Variants in GALNT14 observed in about 807,000 individuals in gnomAD.
GALNT14 encodes polypeptide N-acetylgalactosaminyltransferase 14.
Under a neutral mutation model 77.5 loss-of-function variants are expected in GALNT14, and 60 were observed. The observed-to-expected ratio is 0.77, with a 90% confidence interval of 0.63 to 0.96. The LOEUF is 0.96. Among genes scored for constraint, GALNT14 ranks in the 40% least tolerant of loss-of-function variants. The probability of loss-of-function intolerance (pLI) is 0.00; values close to 1 mark genes in which losing one functional copy is unlikely to be tolerated. For missense variants in GALNT14, 710 were observed against 731.0 expected, an observed-to-expected ratio of 0.97 and a Z score of 0.33; for synonymous variants, 280 against 281.7, an observed-to-expected ratio of 0.99 and a Z score of 0.06.
At chr2:30,902,757 G>A in the GALNT14 span, among the ~76,000 whole-genome samples, 1 of 152,270 alleles carries the variant, frequency 6.6e-6, no homozygotes, top group Middle Eastern at 3.4e-3. Flanking sequence ...CAGCAGTGGG[G>A]ATAAAGAAGA....
chr2:31,046,219 C>A (rs530268773), intron 1 of GALNT14, among the ~76,000 whole-genome samples: 4 of 146,552 alleles, frequency 2.7e-5, no homozygotes, highest in African/African-American at 1.0e-4. Flanking sequence ...GACTCTGGAA[C>A]CCATATTCTT....
At chr2:30,989,077 C>T (rs951950412) in intron 2 of GALNT14, among the ~76,000 whole-genome samples, 16 of 152,134 alleles carry the variant, frequency 1.1e-4, no homozygotes, top group African/African-American at 3.1e-4. Flanking sequence ...GTTTAAGAAG[C>T]GCTTACCTAG....
At chr2:31,053,414 G>C (rs72854827) in intron 1 of GALNT14, among the ~76,000 whole-genome samples, 2,454 of 152,214 alleles carry the variant, frequency 0.016, 71 homozygotes, top group African/African-American at 0.054. Flanking sequence ...CCAAGTAAGT[G>C]GGACTCTTCT....
At chr2:30,903,249 G>T in the GALNT14 span, among the ~76,000 whole-genome samples, 1 of 152,224 alleles carries the variant, frequency 6.6e-6, no homozygotes, top group Non-Finnish European at 1.5e-5. Flanking sequence ...TCTGGATGAA[G>T]GGGAAACAGA....
chr2:31,057,389 T>C (rs1278735842), intron 1 of GALNT14, among the ~76,000 whole-genome samples: 1 of 139,502 alleles, frequency 7.2e-6, no homozygotes, highest in African/African-American at 2.7e-5. Flanking sequence ...TATATATATA[T>C]ATATACACAG....
chr2:31,122,275 G>A (rs568208844), intron 1 of GALNT14, among the ~76,000 whole-genome samples: 1 of 152,340 alleles, frequency 6.6e-6, no homozygotes, highest in South Asian at 2.1e-4. Flanking sequence ...CAGCCGTGAT[G>A]GTGATACCTG....
At chr2:31,005,322 A>G (rs914854278) in intron 1 of GALNT14, among the ~76,000 whole-genome samples, 1 of 152,100 alleles carries the variant, frequency 6.6e-6, no homozygotes, top group Non-Finnish European at 1.5e-5. Flanking sequence ...AGCCCCAGGG[A>G]TGACTCCTCT....
the GALNT14 span, among the ~76,000 whole-genome samples, chr2:30,898,373 G>T: frequency 6.6e-6 from 1 of 152,182 alleles, no homozygotes; most frequent in Admixed American, 6.5e-5. Context: ...CTCCGCTCTG[G>T]GACCTGATGT....
chr2:31,019,291 G>A (rs4245765), intron 1 of GALNT14, among the ~76,000 whole-genome samples: 63,502 of 151,960 alleles, frequency 0.42, 14,159 homozygotes, highest in African/African-American at 0.57. Flanking sequence ...TTAAATTCCA[G>A]CTTGGGTTGA....
intron 1 of GALNT14, among the ~76,000 whole-genome samples, chr2:31,126,306 C>T (rs796567793): frequency 5.3e-5 from 8 of 152,098 alleles, no homozygotes; most frequent in East Asian, 1.9e-4. Flanking sequence ...ACAGACTCAA[C>T]GTGGCTGTGA....
Position 30,955,955 on chromosome 2 carries a change from G to A in GALNT14, c.489C>T (p.Ile163=). 6.2e-7 allele frequency: 1 copy of A among 1,614,178 alleles called. No individual in the cohort carries two copies. The highest frequency in any genetic ancestry group is 1.1e-5 in the South Asian group (1 of 91,066). Residue 163 remains isoleucine, a synonymous_variant, in exon 5 of 15, where the codon ATC becomes ATT. Coordinates refer to ENST00000349752, the MANE Select transcript of GALNT14 (RefSeq NM_024572.4). ...GCAAGCATTTCACCTTGGGCAACTT[G>A]ATGAGCTGTTTACAGTCATCAGCTG... ...SNDPDDCKQL[I]KLPKVKCLRN...
At chr2:31,137,933 GC>G in intron 1 of GALNT14, 24 bp downstream of exon 1, 1 of 1,597,030 alleles carries the variant, frequency 6.3e-7, no homozygotes, top group Non-Finnish European at 8.5e-7. Flanking sequence ...ACCGCTCAGC[GC>G]CAGCGCGCCG....
intron 1 of GALNT14, among the ~76,000 whole-genome samples, chr2:31,081,638 A>G (rs1676158686): frequency 6.6e-6 from 1 of 152,254 alleles, no homozygotes; most frequent in African/African-American, 2.4e-5. Context: ...TTTGGTAAAT[A>G]AAATAACCTA....
At chr2:30,989,577 T>TATATATATATATATATAC (rs1407487990) in intron 2 of GALNT14, among the ~76,000 whole-genome samples, 32 of 128,032 alleles carry the variant, frequency 2.5e-4, no homozygotes, top group African/African-American at 9.6e-4. Flanking sequence ...TATATATATA[T>TATATATATATATATATAC]ATATAAAAAT....
chr2:31,055,609 C>G (rs1276324535), intron 1 of GALNT14, among the ~76,000 whole-genome samples: 3 of 152,116 alleles, frequency 2.0e-5, no homozygotes, highest in Non-Finnish European at 4.4e-5. Context: ...CTGGAAGGAG[C>G]CCCCTGTTAT....
At chr2:31,020,054 C>G (rs1307823070) in intron 1 of GALNT14, among the ~76,000 whole-genome samples, 1 of 152,164 alleles carries the variant, frequency 6.6e-6, no homozygotes, top group African/African-American at 2.4e-5. Flanking sequence ...ATGGCCAGCC[C>G]CTTCCCCAGC....
chr2:31,020,479 G>A lies in GALNT14; in HGVS notation c.130-27472C>T, dbSNP rs564052809. 3.6e-4 allele frequency among the ~76,000 whole-genome samples: 55 copies of A among 152,294 alleles called. 1 individual carries two copies. Among genetic ancestry groups the A allele is most frequent in the Middle Eastern group, 3.4e-3 (1 of 294 alleles). ...CTCTGGGTAGCACAAAGTTGGGAGT[G>A]GGGCACAGCCCACCTAAGGCTAAAA... On this transcript the variant is annotated intron_variant, in intron 1 of 14. Transcript: ENST00000349752.
intron 1 of GALNT14, among the ~76,000 whole-genome samples, chr2:31,084,887 T>C (rs1475687883): frequency 6.6e-6 from 1 of 152,106 alleles, no homozygotes; most frequent in Non-Finnish European, 1.5e-5. Context: ...TAACCAGGCA[T>C]GGTGGCATGC....
chr2:30,916,490 C>T (rs1043851316), intron 13 of GALNT14, among the ~76,000 whole-genome samples: 75 of 152,224 alleles, frequency 4.9e-4, no homozygotes, highest in African/African-American at 1.6e-3. Context: ...ACCCTGCCCC[C>T]TCCACTGGGA....
Sources: gnomAD v4.1 joint callset for allele counts (sites outside exome capture counted in the v4.1 genomes callset) on GRCh38, gnomAD v4.1.1 for gene constraint, MANE v1.5 for transcripts, NCBI Gene and HGNC (gene_info 2026-07-23, HGNC 2026-07-21) for gene names.